RAB27B: variants seen among roughly 807,000 people sequenced by gnomAD.
RAB27B encodes the protein ras-related protein Rab-27B.
In RAB27B, 15 loss-of-function variants were observed where a neutral mutation model predicts 24.6. The observed-to-expected ratio is 0.61, with a 90% CI of 0.41 to 0.94. The LOEUF (loss-of-function observed/expected upper bound fraction) is 0.94. Ranked by LOEUF, RAB27B falls within the 40% of genes least tolerant of loss-of-function variation. The pLI is 0.00. For missense variants in RAB27B, 261 were observed against 266.8 expected (o/e 0.98, Z 0.15); for synonymous variants, 105 against 92.5 (o/e 1.14, Z -0.78).
chr18:54,722,226 G>A (rs894450876), intron 2 of RAB27B, among the ~76,000 whole-genome samples: 2 of 152,168 alleles, frequency 1.3e-5, no homozygotes, highest in African/African-American at 4.8e-5. Flanking sequence ...GGTGAATTCT[G>A]TCACAGAGTT....
intron 2 of RAB27B, among the ~76,000 whole-genome samples, chr18:54,777,041 C>T (rs1407179667): frequency 6.7e-6 from 1 of 149,486 alleles, no homozygotes; most frequent in Non-Finnish European, 1.5e-5. Flanking sequence ...AAGTCTTGGT[C>T]TCAAAAAAAA....
At chr18:54,832,720 A>G (rs752042964) in intron 1 of RAB27B, among the ~76,000 whole-genome samples, 17 of 152,172 alleles carry the variant, frequency 1.1e-4, no homozygotes, top group East Asian at 1.9e-4. Context: ...GAGTGTCATC[A>G]TGAACCTAAG....
At chr18:54,764,524 C>A (rs1908297327) in intron 2 of RAB27B, among the ~76,000 whole-genome samples, 1 of 152,150 alleles carries the variant, frequency 6.6e-6, no homozygotes, top group Admixed American at 6.6e-5. Flanking sequence ...GGGAAATAGG[C>A]TAAGATGGGA....
intron 2 of RAB27B, among the ~76,000 whole-genome samples, chr18:54,724,414 G>A (rs1375256369): frequency 2.0e-5 from 3 of 151,454 alleles, no homozygotes; most frequent in Admixed American, 6.6e-5. Context: ...GAACATGGGA[G>A]GTGACAGCCC....
At chr18:54,745,000 G>A (rs149393814) in intron 2 of RAB27B, 86 of 180,448 alleles carry the variant, frequency 4.8e-4, no homozygotes, top group African/African-American at 2.0e-3. Flanking sequence ...ACTGGCAAGT[G>A]GGCTTTGCTG....
intron 2 of RAB27B, among the ~76,000 whole-genome samples, chr18:54,815,272 C>G (rs1425945887): frequency 6.6e-6 from 1 of 152,170 alleles, no homozygotes; most frequent in Non-Finnish European, 1.5e-5. Flanking sequence ...TAACTATGTA[C>G]TAGAGAAGGC....
intron 2 of RAB27B, among the ~76,000 whole-genome samples, chr18:54,751,900 A>C (rs909774275): frequency 1.3e-5 from 2 of 152,200 alleles, no homozygotes; most frequent in African/African-American, 4.8e-5. Flanking sequence ...TTCCTGAAAT[A>C]AAAATTTCTC....
chr18:54,802,525 T>A (rs966744069), intron 2 of RAB27B, among the ~76,000 whole-genome samples: 30 of 152,298 alleles, frequency 2.0e-4, no homozygotes, highest in Non-Finnish European at 2.9e-4. Flanking sequence ...ACTGGGAGAT[T>A]TTCTCTCAGG....
At chr18:54,875,215 A>G (rs1339308557) in intron 1 of RAB27B, among the ~76,000 whole-genome samples, 1 of 152,124 alleles carries the variant, frequency 6.6e-6, no homozygotes, top group African/African-American at 2.4e-5. Flanking sequence ...AGTCCCAGCT[A>G]CCAGGAAGGC....
chr18:54,804,990 T>C (rs1462462724), intron 2 of RAB27B, among the ~76,000 whole-genome samples: 2 of 150,962 alleles, frequency 1.3e-5, no homozygotes, highest in South Asian at 2.1e-4. Context: ...CTTCCTTTTT[T>C]TTTTTAGTTT....
At chr18:54,878,334 A>G (rs896948830) in intron 2 of RAB27B, among the ~76,000 whole-genome samples, 3 of 152,170 alleles carry the variant, frequency 2.0e-5, no homozygotes. Flanking sequence ...GAATAAGGAT[A>G]TTGTGACATG....
At chr18:54,804,162 A>G (rs1909694338) in intron 2 of RAB27B, among the ~76,000 whole-genome samples, 1 of 152,194 alleles carries the variant, frequency 6.6e-6, no homozygotes, top group South Asian at 2.1e-4. Context: ...TATGCACATT[A>G]AAGTTTGACT....
chr18:54,726,071 C>T (rs1909527975), intron 2 of RAB27B, among the ~76,000 whole-genome samples: 1 of 151,504 alleles, frequency 6.6e-6, no homozygotes, highest in Admixed American at 6.6e-5. Context: ...TTTCACTTTA[C>T]ATGAAACAGA....
chr18:54,865,144 C>T (rs1912161538), intron 1 of RAB27B, among the ~76,000 whole-genome samples: 1 of 151,926 alleles, frequency 6.6e-6, no homozygotes, highest in East Asian at 1.9e-4. Flanking sequence ...GCAAATACAT[C>T]AGGCACTGTT....
intron 2 of RAB27B, among the ~76,000 whole-genome samples, chr18:54,815,927 A>G (rs1910108041): frequency 1.3e-5 from 2 of 152,154 alleles, no homozygotes; most frequent in Non-Finnish European, 2.9e-5. Context: ...CCTGGCCAGT[A>G]TTATTATTAA....
chr18:54,756,913 T>A (rs1240233133), intron 2 of RAB27B, among the ~76,000 whole-genome samples: 1 of 152,182 alleles, frequency 6.6e-6, no homozygotes, highest in African/African-American at 2.4e-5. Flanking sequence ...TAGTTAAAAA[T>A]GTATAGGGTA....
chr18:54,824,875 C>T (rs577689031), upstream of RAB27B, among the ~76,000 whole-genome samples: 2 of 151,956 alleles, frequency 1.3e-5, no homozygotes, highest in South Asian at 2.1e-4. Flanking sequence ...GTTCACCTCT[C>T]TTTAGGCCTG....
chr18:54,888,219 G>A (rs1403603232), intron 5 of RAB27B, 101 bp downstream of exon 5: 1 of 1,340,686 alleles, frequency 7.5e-7, no homozygotes, highest in Non-Finnish European at 1.0e-6. Flanking sequence ...CCTTAACCAA[G>A]AACAGCATGT....
In RAB27B at chr18:54,892,720, A is replaced by G. The variant is rs536489909; in HGVS notation, c.*3307A>G. The G allele has an allele frequency of 3.2e-4, 49 of 152,164 alleles. No individual in the cohort carries two copies. The highest frequency in any genetic ancestry group is 2.9e-3 in the Admixed American group (44 of 15,260). 9.4% of individuals were successfully genotyped at this position (152,164 alleles called of 1,614,324 possible). The stretch of plus-strand genomic sequence containing the variant: ...CAGTTACCACTTTATCCAATTTGCT[A>G]TCATTTTCGTATTATCAGCTATCGC... On this transcript the variant is annotated 3_prime_UTR_variant, in exon 6 of 6. Transcript: ENST00000262094.
Sources: allele counts gnomAD v4.1 joint callset (sites outside exome capture counted in the v4.1 genomes callset), GRCh38; gene constraint gnomAD v4.1.1; transcripts MANE v1.5; gene names NCBI Gene and HGNC (gene_info 2026-07-23, HGNC 2026-07-21).